FREM3: variants seen among roughly 807,000 people sequenced by gnomAD.
The protein encoded by FREM3 is FRAS1-related extracellular matrix protein 3.
A neutral mutation model predicts 129.1 loss-of-function variants in FREM3; 105 were observed. The ratio of observed to expected loss-of-function variants is 0.81; its 90% CI spans 0.69 to 0.96. The LOEUF is 0.96. Ranked by LOEUF, FREM3 falls within the 40% of genes least tolerant of loss-of-function variation. The pLI is 0.00. For missense variants in FREM3, 2,593 were observed against 2,666.3 expected (o/e 0.97, Z 0.61); for synonymous variants, 1,014 against 1,044.9 (o/e 0.97, Z 0.57).
chr4:143,610,218 A>T (rs1738734112), intron 6 of FREM3, among the ~76,000 whole-genome samples: 1 of 152,170 alleles, frequency 6.6e-6, no homozygotes, highest in South Asian at 2.1e-4. Flanking sequence ...AATTTCAGAG[A>T]TCTGGTCCAC....
chr4:143,694,111 G>A (rs1740524480), intron 1 of FREM3, among the ~76,000 whole-genome samples: 1 of 152,172 alleles, frequency 6.6e-6, no homozygotes, highest in Non-Finnish European at 1.5e-5. Context: ...ATGAGTTTAA[G>A]TATGTAAGAA....
At chr4:143,683,334 T>TC (rs1348982410) in intron 2 of FREM3, among the ~76,000 whole-genome samples, 4 of 151,066 alleles carry the variant, frequency 2.6e-5, no homozygotes, top group African/African-American at 4.9e-5. Flanking sequence ...CCTGGGAGAG[T>TC]CCCCCCCAAA....
At chr4:143,659,549 C>A (rs1246054113) in intron 2 of FREM3, among the ~76,000 whole-genome samples, 1 of 151,044 alleles carries the variant, frequency 6.6e-6, no homozygotes, top group East Asian at 1.9e-4. Context: ...CATACGTGTG[C>A]ATGTGTCTTT....
intron 2 of FREM3, among the ~76,000 whole-genome samples, chr4:143,656,712 A>T (rs1372193414): frequency 6.6e-6 from 1 of 152,204 alleles, no homozygotes; most frequent in East Asian, 1.9e-4. Flanking sequence ...TGGAGGATAT[A>T]AACTGTTCTA....
intron 5 of FREM3, among the ~76,000 whole-genome samples, chr4:143,618,191 G>T (rs1016955242): frequency 6.6e-6 from 1 of 152,048 alleles, no homozygotes; most frequent in African/African-American, 2.4e-5. Flanking sequence ...ATGGAGGAGT[G>T]CTGCTTCCCC....
At chr4:143,654,711 T>C (rs1011303740) in intron 2 of FREM3, among the ~76,000 whole-genome samples, 14 of 152,356 alleles carry the variant, frequency 9.2e-5, no homozygotes, top group Middle Eastern at 3.4e-3. Context: ...CAACTCTGAA[T>C]AAGGCAATGA....
chr4:143,641,201 C>T (rs1739315752), intron 2 of FREM3, among the ~76,000 whole-genome samples: 1 of 152,096 alleles, frequency 6.6e-6, no homozygotes, highest in African/African-American at 2.4e-5. Flanking sequence ...TGTCATATCC[C>T]TACACAGCTT....
Position 143,698,806 on chromosome 4 carries a change from T to C in FREM3, c.1870A>G (p.Thr624Ala). ...LLQQAELPLS[T>A]EDEDWHYMEK... ...ATGTAGTGCCAGTCTTCATCTTCAG[T>C]TGAGAGAGGTAGTTCAGCCTGCTGC... Residue 624 changes from threonine (T) to alanine (A), a missense_variant, in exon 1 of 8, where the codon ACT (threonine) becomes GCT (alanine). Around this residue, in one of 2 missense-constraint regions of FREM3, gnomAD observed 2,276 missense variants for 2,267.2 expected, o/e 1.00. Transcript: ENST00000329798. The C allele has an allele frequency of 6.5e-7, 1 of 1,537,670 alleles. No individual in the cohort carries two copies. The highest frequency in any genetic ancestry group is 8.7e-7 in the Non-Finnish European group (1 of 1,147,014).
At chr4:143,602,284 A>G (rs1738586500) in intron 6 of FREM3, among the ~76,000 whole-genome samples, 1 of 152,240 alleles carries the variant, frequency 6.6e-6, no homozygotes. Flanking sequence ...ACAGTTGGCT[A>G]ATGCTTAGAA....
At chr4:143,643,129 G>A (rs1739351030) in intron 2 of FREM3, among the ~76,000 whole-genome samples, 1 of 152,166 alleles carries the variant, frequency 6.6e-6, no homozygotes. Flanking sequence ...AAGTGTTGGT[G>A]AGGATACAGA....
intron 6 of FREM3, among the ~76,000 whole-genome samples, chr4:143,605,546 G>A (rs1250695615): frequency 2.0e-5 from 3 of 152,034 alleles, no homozygotes; most frequent in Non-Finnish European, 2.9e-5. Context: ...ACTATGATTC[G>A]CAGATGTAAT....
chr4:143,696,764 A>T lies in FREM3; in HGVS notation c.3912T>A (p.Asp1304Glu). The change falls in exon 1 of 8, where the codon GAT becomes GAA. Residue 1304 changes from aspartate (D) to glutamate (E), a missense_variant. Physicochemically the swap from Asp to Glu is conservative, Grantham distance 45. Around this residue, in one of 2 missense-constraint regions of FREM3, gnomAD observed 2,276 missense variants for 2,267.2 expected, o/e 1.00. Transcript: ENST00000329798. The part of the protein sequence containing the change: ...KVPIVVTLVD[D>E]ETPHLTVNNG... ...TGTTGACAGTCAGGTGAGGAGTTTC[A>T]TCATCCACTAGGGTCACTACAATGG... The T allele has an allele frequency of 6.5e-7, 1 of 1,537,848 alleles. No individual in the cohort carries two copies. The highest frequency in any genetic ancestry group is 1.4e-5 in the African/African-American group (1 of 73,122).
chr4:143,693,219 C>T lies in FREM3; in HGVS notation c.5186-17G>A, dbSNP rs1407420597. On this transcript the variant is annotated splice_polypyrimidine_tract_variant and intron_variant, in intron 1 of 7. Coordinates refer to ENST00000329798, the MANE Select transcript of FREM3 (RefSeq NM_001168235.2). ...CAATGTCAGCTAAAAAAAAAGCAAC[C>T]ATCACACAAAGTCATATTGGCACAA... 3.6e-6 allele frequency: 5 copies of T among 1,388,734 alleles called. No individual in the cohort carries two copies. Among genetic ancestry groups the T allele is most frequent in the South Asian group, 1.4e-5 (1 of 71,682 alleles). The allele number at this position is 1,388,734 out of a possible 1,614,324, so 86.0% of individuals were successfully genotyped here.
intron 7 of FREM3, among the ~76,000 whole-genome samples, chr4:143,584,148 G>A (rs1159346677): frequency 1.3e-5 from 2 of 152,170 alleles, no homozygotes; most frequent in South Asian, 2.1e-4. Flanking sequence ...GGTGGCTCAC[G>A]CCTGTAATCC....
In FREM3 at chr4:143,627,656, T is replaced by C; in HGVS notation, c.5380A>G (p.Thr1794Ala). 1.3e-6 allele frequency: 2 copies of C among 1,536,022 alleles called. No homozygotes were observed. The highest frequency in any genetic ancestry group is 1.7e-6 in the Non-Finnish European group (2 of 1,145,922). Residue 1794 changes from threonine to alanine, a missense_variant, in exon 3 of 8, where the codon ACC becomes GCC. Physicochemically the swap from Thr to Ala is moderately conservative, Grantham distance 58. Around this residue, in one of 2 missense-constraint regions of FREM3, gnomAD observed 2,276 missense variants for 2,267.2 expected, o/e 1.00. Coordinates refer to ENST00000329798, the MANE Select transcript of FREM3 (RefSeq NM_001168235.2). ...CCAAGGTATCCTCTGCGTGTAAGGG[T>C]CACTTCTAAGAATGTGGAATCTTCA... Reference protein sequence around the residue: ...VDEDSTFLEVTLTRRGYLGET... With the variant: ...VDEDSTFLEVALTRRGYLGET...
At chr4:143,642,894 A>G (rs1468996890) in intron 2 of FREM3, among the ~76,000 whole-genome samples, 1 of 152,180 alleles carries the variant, frequency 6.6e-6, no homozygotes, top group Admixed American at 6.6e-5. Context: ...ATATGAATAT[A>G]TAAGGAACCT....
At chr4:143,631,750 A>G (rs1433500173) in intron 2 of FREM3, among the ~76,000 whole-genome samples, 1 of 152,136 alleles carries the variant, frequency 6.6e-6, no homozygotes, top group Admixed American at 6.6e-5. Context: ...AGGAGGGGCC[A>G]TTTTAATATG....
chr4:143,621,780 T>G (rs1341215621), intron 4 of FREM3, among the ~76,000 whole-genome samples: 1 of 152,214 alleles, frequency 6.6e-6, no homozygotes, highest in Non-Finnish European at 1.5e-5. Flanking sequence ...AATCAAAACA[T>G]TCATTGAAAT....
chr4:143,671,532 A>G (rs1739964647), intron 2 of FREM3, among the ~76,000 whole-genome samples: 1 of 152,150 alleles, frequency 6.6e-6, no homozygotes, highest in Non-Finnish European at 1.5e-5. Flanking sequence ...TTCTCTCTGG[A>G]ATAGGACTAC....
Sources: gnomAD v4.1 joint callset for allele counts (sites outside exome capture counted in the v4.1 genomes callset) on GRCh38, gnomAD v4.1.1 for gene constraint, gnomAD v4.1.1 regional missense constraint, MANE v1.5 for transcripts, NCBI Gene and HGNC (gene_info 2026-07-23, HGNC 2026-07-21) for gene names.